ASH1L: variants seen among roughly 807,000 people sequenced by gnomAD.
ASH1L encodes the protein ASH1 like histone lysine methyltransferase, also known as histone-lysine N-methyltransferase ASH1L.
A neutral mutation model predicts 269.0 loss-of-function variants in ASH1L; 23 were observed. That is an observed-to-expected ratio of 0.09 (90% CI 0.06 to 0.12). ASH1L has a LOEUF of 0.12. ASH1L is among the 10% of genes least tolerant of loss of function. ASH1L has a pLI of 1.00. For synonymous variants in ASH1L, 1,187 were observed against 1,253.5 expected (o/e 0.95, Z 1.12); for missense variants, 2,912 against 3,567.8 (o/e 0.82, Z 4.68).
rs1207751518 is a variant in ASH1L, at chr1:155,478,035, C to G, written c.4835G>C (p.Gly1612Ala). The part of the protein sequence containing the change: ...EHTNLFTSAI[G>A]SCRVSNPNSS... The stretch of plus-strand genomic sequence containing the variant: ...GTTAGGGTTTGAAACTCTGCAGCTG[C>G]CTATTGCACTTGTGAAAAGGTTTGT... The change falls in exon 3 of 28, where the codon GGC (glycine) becomes GCC (alanine). Residue 1612 changes from glycine (G) to alanine (A), a missense_variant. Physicochemically the swap from Gly to Ala is moderately conservative, Grantham distance 60. This residue lies in a region of ASH1L where 789 missense variants were observed against 897.6 expected (regional missense o/e 0.88). Coordinates refer to ENST00000392403, the MANE Select transcript of ASH1L (RefSeq NM_018489.3). This position sits in a 1 kb window ranked among gnomAD's most constrained non-coding sequence, Gnocchi z 4.6. The G allele has an allele frequency of 6.2e-7, 1 of 1,614,054 alleles. No homozygotes were observed.
chr1:155,521,094 A>C lies in ASH1L; in HGVS notation c.420+6T>G. Reference sequence around the variant, plus strand: ...ATAACCACATATTGTTAGGAATTCTACTTACTCGTTTTGAAGGACAGTGTT... The same window carrying C: ...ATAACCACATATTGTTAGGAATTCTCCTTACTCGTTTTGAAGGACAGTGTT... On this transcript the variant is annotated splice_donor_region_variant and intron_variant, in intron 2 of 27. Coordinates refer to ENST00000392403, the MANE Select transcript of ASH1L (RefSeq NM_018489.3). 6.3e-7 allele frequency: 1 copy of C among 1,583,558 alleles called. No homozygotes were observed. The highest frequency in any genetic ancestry group is 8.6e-7 in the Non-Finnish European group (1 of 1,168,484).
chr1:155,528,787 T>G (rs1195968536), intron 1 of ASH1L, among the ~76,000 whole-genome samples: 1 of 152,136 alleles, frequency 6.6e-6, no homozygotes, highest in Non-Finnish European at 1.5e-5. Flanking sequence ...TGGGGGTTTA[T>G]TTCATCACCC....
chr1:155,384,620 C>T (rs1173438183), intron 7 of ASH1L, among the ~76,000 whole-genome samples: 2 of 151,906 alleles, frequency 1.3e-5, no homozygotes, highest in South Asian at 4.1e-4. Context: ...TCAGGGTGGT[C>T]TCAAACTTCT....
intron 7 of ASH1L, among the ~76,000 whole-genome samples, chr1:155,385,026 C>G (rs757031786): frequency 1.3e-5 from 2 of 151,600 alleles, no homozygotes; most frequent in Non-Finnish European, 2.9e-5. Flanking sequence ...ATTATTTCCT[C>G]TGTCCCATTC....
At chr1:155,410,860 C>A (rs535279496) in intron 6 of ASH1L, among the ~76,000 whole-genome samples, 3 of 151,544 alleles carry the variant, frequency 2.0e-5, no homozygotes, top group Non-Finnish European at 4.4e-5. Flanking sequence ...CCAGCTCCAG[C>A]GGCCTAAAGT....
At chr1:155,357,836 T>A in intron 13 of ASH1L, 87 bp from the exon 14 acceptor site, 3 of 1,314,708 alleles carry the variant, frequency 2.3e-6, no homozygotes, top group Non-Finnish European at 3.1e-6. Flanking sequence ...AATAGTATGA[T>A]CATGGCTCAC....
At chr1:155,357,488 C>T (rs1231587051) in intron 14 of ASH1L, 78 bp from the exon 15 acceptor site, 1 of 1,594,670 alleles carries the variant, frequency 6.3e-7, no homozygotes, top group Non-Finnish European at 8.6e-7. Flanking sequence ...TAAAACCACT[C>T]TTAAGATGCC....
intron 15 of ASH1L, among the ~76,000 whole-genome samples, chr1:155,356,871 T>C (rs920851360): frequency 1.5e-4 from 23 of 151,118 alleles, no homozygotes; most frequent in Non-Finnish European, 3.1e-4. Context: ...GGAGGATAGC[T>C]TGAGCCCAGG....
At chr1:155,350,399 A>G (rs1653790073) in intron 17 of ASH1L, among the ~76,000 whole-genome samples, 1 of 152,164 alleles carries the variant, frequency 6.6e-6, no homozygotes, top group Non-Finnish European at 1.5e-5. Flanking sequence ...TCAAATGACA[A>G]TTCTAAGATT....
chr1:155,372,208 T>C (rs909033942), intron 10 of ASH1L, among the ~76,000 whole-genome samples: 1 of 152,068 alleles, frequency 6.6e-6, no homozygotes, highest in Non-Finnish European at 1.5e-5. Context: ...GCCAGGCTGG[T>C]TTCGAACTCC....
Position 155,343,060 on chromosome 1 carries a change from G to T in ASH1L, c.8293+254C>A. 2.8e-6 allele frequency: 1 copy of T among 352,170 alleles called. No homozygotes were observed. Among genetic ancestry groups the T allele is most frequent in the Non-Finnish European group, 5.1e-6 (1 of 194,360 alleles). 21.8% of individuals were successfully genotyped at this position (352,170 alleles called of 1,614,324 possible). A position where few individuals can be genotyped will look rare whatever the true frequency, so the allele number is the denominator to read the frequency against. ...AGGGTTTCATTCTGTTGCACAGGTT[G>T]GAGTGCAGTGGTGCGATCTTGGCTC... is the stretch of plus-strand genomic sequence containing the variant. On this transcript the variant is annotated intron_variant, in intron 24 of 27. Transcript: ENST00000392403. This position sits in a 1 kb window ranked among gnomAD's most constrained non-coding sequence, Gnocchi z 6.1.
intron 6 of ASH1L, among the ~76,000 whole-genome samples, chr1:155,405,032 A>T (rs10796942): frequency 0.9 from 135,416 of 150,730 alleles, 61,306 homozygotes; most frequent in East Asian, 1. Flanking sequence ...ATCTAAAAAA[A>T]AATAATAATA....
chr1:155,512,861 A>T (rs942138240), intron 2 of ASH1L, among the ~76,000 whole-genome samples: 1 of 151,708 alleles, frequency 6.6e-6, no homozygotes, highest in African/African-American at 2.4e-5. Flanking sequence ...GGATTTCAAG[A>T]CCAGCCTGGG....
chr1:155,346,355 T>C (rs1653325608), intron 21 of ASH1L, 28 bp downstream of exon 21: 1 of 1,609,086 alleles, frequency 6.2e-7, no homozygotes, highest in Non-Finnish European at 8.5e-7. Context: ...TACTTATAGA[T>C]CAGAGTTTTA....
intron 5 of ASH1L, among the ~76,000 whole-genome samples, chr1:155,431,217 A>T (rs894243896): frequency 7.3e-5 from 11 of 150,078 alleles, no homozygotes; most frequent in African/African-American, 2.4e-4. Flanking sequence ...CAACAACAAA[A>T]ATATATATAT....
Position 155,395,496 on chromosome 1 carries a change from C to A in ASH1L, c.6066G>T (p.Glu2022Asp), listed in dbSNP as rs767171103. The stretch of plus-strand genomic sequence containing the variant: ...GCGCTGGAAATAATCCATATTCATG[C>A]TCTCCTGGAGTATACTCCAGCTTCT... ...KKEKLEYTPG[E>D]HEYGLFPAPI... Residue 2022 changes from glutamate (E) to aspartate (D), a missense_variant, in exon 7 of 28, where the codon GAG becomes GAT. Glu to Asp is a conservative substitution (Grantham distance 45, BLOSUM62 2). This residue lies in a region of ASH1L where 193 missense variants were observed against 311.6 expected (regional missense o/e 0.62). Coordinates refer to ENST00000392403, the MANE Select transcript of ASH1L (RefSeq NM_018489.3). The A allele has an allele frequency of 3.1e-6, 5 of 1,611,592 alleles. No individual in the cohort carries two copies. The highest frequency in any genetic ancestry group is 4.2e-6 in the Non-Finnish European group (5 of 1,179,172).
At chr1:155,506,039 C>T (rs1667798771) in intron 2 of ASH1L, among the ~76,000 whole-genome samples, 1 of 151,344 alleles carries the variant, frequency 6.6e-6, no homozygotes. Context: ...CACCCTGTGG[C>T]CAAGTGTTTT....
intron 5 of ASH1L, among the ~76,000 whole-genome samples, chr1:155,429,142 A>G (rs1033687024): frequency 2.0e-5 from 3 of 152,218 alleles, no homozygotes; most frequent in Non-Finnish European, 2.9e-5. Context: ...GAAGAACTGT[A>G]TTACACACAA....
Position 155,342,396 on chromosome 1 carries a change from A to C in ASH1L, c.8294-294T>G, listed in dbSNP as rs1652895345. Among the ~76,000 whole-genome samples, 8 of 152,212 alleles carry C rather than the reference A, an allele frequency of 5.3e-5. No individual in the cohort carries two copies. In the South Asian group the frequency reaches 1.7e-3, roughly 32 times the overall value. ...GAGTATTTTGAGGGAAAAACTGAGCAGGTTACGAGGAGTTACAAGAAAAGA... is the reference window on the plus strand; with the variant it reads ...GAGTATTTTGAGGGAAAAACTGAGCCGGTTACGAGGAGTTACAAGAAAAGA... On this transcript the variant is annotated intron_variant, in intron 24 of 27. Transcript: ENST00000392403.
Sources: gnomAD v4.1 joint callset for allele counts (sites outside exome capture counted in the v4.1 genomes callset) on GRCh38, gnomAD v4.1.1 for gene constraint, gnomAD v4.1.1 regional missense constraint, Gnocchi (gnomAD v3.1) non-coding constraint, MANE v1.5 for transcripts, NCBI Gene and HGNC (gene_info 2026-07-23, HGNC 2026-07-21) for gene names.